The following ADGRB3 variants were observed in gnomAD, a reference collection of about 807,000 sequenced individuals.
The protein encoded by ADGRB3 is adhesion G protein-coupled receptor B3.
ADGRB3 carries 37 observed loss-of-function variants against 193.4 expected under a neutral mutation model. The observed-to-expected ratio is 0.19, with a 90% CI of 0.15 to 0.25. The LOEUF (loss-of-function observed/expected upper bound fraction) is 0.25. Among genes scored for constraint, ADGRB3 ranks in the 10% least tolerant of loss-of-function variants. ADGRB3 has a pLI of 1.00. For missense variants in ADGRB3, 1,637 were observed against 1,852.9 expected (o/e 0.88, Z 2.14); for synonymous variants, 690 against 644.2 (o/e 1.07, Z -1.08).
chr6:68,703,988 T>C (rs1407505834), intron 3 of ADGRB3, among the ~76,000 whole-genome samples: 2 of 152,190 alleles, frequency 1.3e-5, no homozygotes, highest in Non-Finnish European at 2.9e-5. Context: ...GTCATCTTTG[T>C]ATTTAAAGGG....
intron 13 of ADGRB3, among the ~76,000 whole-genome samples, chr6:69,040,341 C>CTTTCTTTCTTTCTTTCTTTCTTTCT (rs1562133090): frequency 3.9e-5 from 2 of 50,752 alleles, no homozygotes; most frequent in Non-Finnish European, 8.2e-5. Flanking sequence ...TTCTTTCTTT[C>CTTTCTTTCTTTCTTTCTTTCTTTCT]TTTCTTTCTT....
chr6:69,120,583 G>T (rs1773653915), intron 17 of ADGRB3, among the ~76,000 whole-genome samples: 1 of 152,190 alleles, frequency 6.6e-6, no homozygotes, highest in Non-Finnish European at 1.5e-5. Context: ...TAATTGGCTT[G>T]AGAAGCCAAA....
In ADGRB3 at chr6:69,154,585, G is replaced by A. The variant is rs144020353; in HGVS notation, c.2480+78547G>A. Among the ~76,000 whole-genome samples the A allele has an allele frequency of 1.1e-4, 17 of 152,218 alleles. No individual in the cohort carries two copies. The East Asian group carries it at 2.9e-3, about 26-fold the overall frequency. On this transcript the variant is annotated intron_variant, in intron 17 of 31. Coordinates refer to ENST00000370598, the MANE Select transcript of ADGRB3 (RefSeq NM_001704.3). ...CTTCCTCCTTTGCCTGGCAAATTCA[G>A]ATCACATCTCCAGTCTCTGCCTTCC...
At chr6:69,130,931 A>G (rs1451358971) in intron 17 of ADGRB3, among the ~76,000 whole-genome samples, 4 of 152,094 alleles carry the variant, frequency 2.6e-5, no homozygotes, top group African/African-American at 9.7e-5. Context: ...GATGTTCGCT[A>G]TTCAAATGAT....
chr6:69,084,068 C>A (rs1411211783), intron 17 of ADGRB3, among the ~76,000 whole-genome samples: 1 of 152,102 alleles, frequency 6.6e-6, no homozygotes, highest in Non-Finnish European at 1.5e-5. Flanking sequence ...AGCCACTATG[C>A]CTGGTCTTAA....
At chr6:69,125,320 A>G (rs928593605) in intron 17 of ADGRB3, among the ~76,000 whole-genome samples, 5 of 152,142 alleles carry the variant, frequency 3.3e-5, no homozygotes, top group African/African-American at 1.2e-4. Flanking sequence ...CTCGGGCTTT[A>G]ACTCAATTGC....
At chr6:68,977,685 T>C (rs1229641240) in intron 10 of ADGRB3, among the ~76,000 whole-genome samples, 3 of 152,172 alleles carry the variant, frequency 2.0e-5, no homozygotes, top group Admixed American at 1.3e-4. Context: ...AGGTGCATGA[T>C]CTTGTATAGT....
intron 17 of ADGRB3, among the ~76,000 whole-genome samples, chr6:69,122,463 A>AGGGGGAGGGGGAG (rs1773735034): frequency 1.9e-5 from 1 of 51,594 alleles, no homozygotes; most frequent in Non-Finnish European, 3.5e-5. Flanking sequence ...GATAAGGGAG[A>AGGGGGAGGGGGAG]GGGAGAGGGG....
intron 17 of ADGRB3, among the ~76,000 whole-genome samples, chr6:69,228,750 T>C (rs1766073730): frequency 6.6e-6 from 1 of 152,234 alleles, no homozygotes; most frequent in Admixed American, 6.5e-5. Context: ...TCTTATAATT[T>C]CATAGGACAT....
intron 3 of ADGRB3, among the ~76,000 whole-genome samples, chr6:68,897,402 G>A (rs1766248591): frequency 7.4e-6 from 1 of 134,320 alleles, no homozygotes; most frequent in South Asian, 2.6e-4. Flanking sequence ...AAGAAAGAGA[G>A]AGAGAGGGAG....
chr6:69,191,270 A>G (rs1424520792), intron 17 of ADGRB3, among the ~76,000 whole-genome samples: 1 of 152,120 alleles, frequency 6.6e-6, no homozygotes. Context: ...CTTGTAATCA[A>G]TATCAGCAAC....
chr6:69,019,581 C>A (rs1770201319), intron 13 of ADGRB3, among the ~76,000 whole-genome samples: 1 of 151,972 alleles, frequency 6.6e-6, no homozygotes, highest in South Asian at 2.1e-4. Flanking sequence ...TTATAGTTAA[C>A]TACTGGTAAT....
intron 3 of ADGRB3, among the ~76,000 whole-genome samples, chr6:68,784,536 TCATGTATATA>T (rs1334086259): frequency 6.6e-6 from 1 of 152,134 alleles, no homozygotes; most frequent in Non-Finnish European, 1.5e-5. Flanking sequence ...ATAAACTTTC[TCATGTATATA>T]CTTTTTTTCA....
intron 3 of ADGRB3, among the ~76,000 whole-genome samples, chr6:68,782,289 A>C (rs1766870231): frequency 1.3e-5 from 2 of 151,844 alleles, no homozygotes; most frequent in Admixed American, 1.3e-4. Flanking sequence ...ATGTCCCTAC[A>C]AAGGACATGA....
In ADGRB3 at chr6:69,339,512, G is replaced by A. The variant is rs777314305; in HGVS notation, c.3459+8G>A. 24 of 1,610,702 alleles carry A rather than the reference G, an allele frequency of 1.5e-5. No homozygotes were observed. The highest frequency in any genetic ancestry group is 6.7e-5 in the East Asian group (3 of 44,862). The stretch of plus-strand genomic sequence containing the variant: ...TGCATTCTTCGGAGAGAGGTGAGAA[G>A]CATTCTTGTGATAGAGAACAGTGAT... On this transcript the variant is annotated splice_region_variant and intron_variant, in intron 26 of 31. Coordinates refer to ENST00000370598, the MANE Select transcript of ADGRB3 (RefSeq NM_001704.3).
intron 5 of ADGRB3, among the ~76,000 whole-genome samples, chr6:68,942,432 A>AAG (rs1210514673): frequency 1.3e-5 from 2 of 152,166 alleles, no homozygotes; most frequent in Admixed American, 1.3e-4. Flanking sequence ...TTGAACTTCT[A>AAG]AGAGTATAGC....
At chr6:68,893,661 T>G (rs1473510933) in intron 3 of ADGRB3, among the ~76,000 whole-genome samples, 1 of 151,966 alleles carries the variant, frequency 6.6e-6, no homozygotes, top group Non-Finnish European at 1.5e-5. Context: ...GTATTATGCT[T>G]TTATGAAACA....
intron 3 of ADGRB3, among the ~76,000 whole-genome samples, chr6:68,779,124 A>G (rs1766805693): frequency 6.6e-6 from 1 of 151,938 alleles, no homozygotes; most frequent in Non-Finnish European, 1.5e-5. Context: ...GTATACACAC[A>G]CACACTCACA....
intron 3 of ADGRB3, among the ~76,000 whole-genome samples, chr6:68,730,139 C>A (rs1765745295): frequency 6.6e-6 from 1 of 151,522 alleles, no homozygotes; most frequent in Non-Finnish European, 1.5e-5. Context: ...AAAACTTAAT[C>A]AGATGAATAC....
Sources: allele counts gnomAD v4.1 joint callset (sites outside exome capture counted in the v4.1 genomes callset), GRCh38; gene constraint gnomAD v4.1.1; transcripts MANE v1.5; gene names NCBI Gene and HGNC (gene_info 2026-07-23, HGNC 2026-07-21).